The following SGCZ variants were observed in gnomAD, a reference collection of about 807,000 sequenced individuals.
The protein encoded by SGCZ is sarcoglycan zeta, also known as zeta-sarcoglycan.
In SGCZ, 40 loss-of-function variants were observed where a neutral mutation model predicts 41.3. The ratio of observed to expected loss-of-function variants is 0.97; its 90% CI spans 0.75 to 1.26. The LOEUF (loss-of-function observed/expected upper bound fraction) is 1.26. SGCZ is among the 50% of genes most tolerant of loss of function. The pLI is 0.00. For synonymous variants in SGCZ, 206 were observed against 137.5 expected (o/e 1.50, Z -3.49); for missense variants, 552 against 369.8 (o/e 1.49, Z -4.04).
chr8:14,373,083 C>G (rs1803969710), intron 2 of SGCZ, among the ~76,000 whole-genome samples: 1 of 151,940 alleles, frequency 6.6e-6, no homozygotes, highest in Non-Finnish European at 1.5e-5. Flanking sequence ...TTGCAATAAT[C>G]TAGAGGAAAG....
intron 5 of SGCZ, among the ~76,000 whole-genome samples, chr8:14,154,571 A>C (rs905017918): frequency 2.0e-5 from 3 of 152,216 alleles, no homozygotes; most frequent in African/African-American, 7.2e-5. Context: ...AACAATTTTA[A>C]ACCTAAAGAA....
rs530912145 is a variant in SGCZ, at chr8:15,222,122, A to T, written c.39+15463T>A. Among the ~76,000 whole-genome samples the T allele has an allele frequency of 5.3e-5, 8 of 152,358 alleles. No individual in the cohort carries two copies. In the South Asian group the frequency reaches 1.4e-3, roughly 28 times the overall value. On this transcript the variant is annotated intron_variant, in intron 1 of 7. Coordinates refer to ENST00000382080, the MANE Select transcript of SGCZ (RefSeq NM_139167.4). ...GAAAGCATTTAAAAGAGAATCCAAA[A>T]GAGGGCTTTGTAAAAATTATGTGCA...
At chr8:14,329,289 A>C (rs1802231997) in intron 2 of SGCZ, among the ~76,000 whole-genome samples, 1 of 152,210 alleles carries the variant, frequency 6.6e-6, no homozygotes, top group Non-Finnish European at 1.5e-5. Context: ...AACATCAGAC[A>C]AATAACAGTA....
At chr8:14,462,670 CT>C (rs1346179007) in intron 2 of SGCZ, among the ~76,000 whole-genome samples, 1 of 151,664 alleles carries the variant, frequency 6.6e-6, no homozygotes, top group Non-Finnish European at 1.5e-5. Context: ...CCACTTTGTT[CT>C]TCTTTTTCAA....
intron 1 of SGCZ, among the ~76,000 whole-genome samples, chr8:15,065,415 AATTATTATTATT>A (rs200765691): frequency 0.17 from 22,820 of 137,354 alleles, 2,036 homozygotes; most frequent in African/African-American, 0.24. Context: ...ATGGTATTGT[AATTATTATTATT>A]ATTATTATTA....
At chr8:14,617,535 T>C (rs1288838677) in intron 1 of SGCZ, among the ~76,000 whole-genome samples, 3 of 152,180 alleles carry the variant, frequency 2.0e-5, no homozygotes, top group Admixed American at 6.5e-5. Flanking sequence ...TCTTCAGAAA[T>C]GTATTTTGGC....
At chr8:14,692,268 G>A (rs1012517220) in intron 1 of SGCZ, among the ~76,000 whole-genome samples, 2 of 151,860 alleles carry the variant, frequency 1.3e-5, no homozygotes, top group Non-Finnish European at 2.9e-5. Context: ...ACCAACCATA[G>A]GATATTGTCA....
At chr8:14,238,744 T>C (rs1309416940) in intron 3 of SGCZ, among the ~76,000 whole-genome samples, 2 of 152,058 alleles carry the variant, frequency 1.3e-5, no homozygotes, top group Non-Finnish European at 2.9e-5. Flanking sequence ...AATATAATGT[T>C]CTGGGGGGGG....
intron 2 of SGCZ, among the ~76,000 whole-genome samples, chr8:14,430,655 C>T (rs924608383): frequency 7.9e-5 from 12 of 152,068 alleles, no homozygotes; most frequent in African/African-American, 1.9e-4. Context: ...TGCCCACTCT[C>T]GCCACTCCTC....
At chr8:15,138,558 T>C (rs1364573661) in intron 1 of SGCZ, among the ~76,000 whole-genome samples, 1 of 152,148 alleles carries the variant, frequency 6.6e-6, no homozygotes, top group African/African-American at 2.4e-5. Context: ...GTTTCCTCCA[T>C]GCCGTTCTCA....
At chr8:14,259,934 T>C (rs1005634745) in intron 3 of SGCZ, among the ~76,000 whole-genome samples, 1 of 152,194 alleles carries the variant, frequency 6.6e-6, no homozygotes, top group Non-Finnish European at 1.5e-5. Context: ...TGATTCTTCC[T>C]ACCCATGAGC....
intron 1 of SGCZ, among the ~76,000 whole-genome samples, chr8:14,696,671 C>G (rs547410054): frequency 4.0e-5 from 6 of 151,858 alleles, no homozygotes; most frequent in Non-Finnish European, 8.8e-5. Flanking sequence ...TTCTCTTTTG[C>G]GTTATGAATT....
At chr8:14,244,734 G>A (rs536684301) in intron 3 of SGCZ, among the ~76,000 whole-genome samples, 73 of 152,070 alleles carry the variant, frequency 4.8e-4, no homozygotes, top group African/African-American at 1.7e-3. Flanking sequence ...AGCATGGAAT[G>A]TTCTTCCATT....
At position 14,546,616 on chromosome 8, in the gene SGCZ, A is replaced by T. The variant is rs540029063; in HGVS notation, c.234+8116T>A. ...ATTCTAATTACACACTAACTATGAG[A>T]GATTAGGTACATTCTTCCATTTAAT... On this transcript the variant is annotated intron_variant, in intron 2 of 7. Transcript: ENST00000382080. Among the ~76,000 whole-genome samples, 19 of 152,240 alleles carry T rather than the reference A, an allele frequency of 1.2e-4. No individual in the cohort carries two copies. The East Asian group carries it at 3.3e-3, about 26-fold the overall frequency.
chr8:15,218,167 G>C (rs1281429037), intron 1 of SGCZ, among the ~76,000 whole-genome samples: 1 of 151,548 alleles, frequency 6.6e-6, no homozygotes, highest in East Asian at 1.9e-4. Context: ...ATTTTTAGTG[G>C]GTAACTTTTT....
intron 1 of SGCZ, among the ~76,000 whole-genome samples, chr8:15,100,760 A>G (rs1806578433): frequency 6.6e-6 from 1 of 152,210 alleles, no homozygotes; most frequent in African/African-American, 2.4e-5. Context: ...AACACGGAGA[A>G]TCACTTAACC....
At chr8:14,390,513 C>T (rs1166328211) in intron 2 of SGCZ, among the ~76,000 whole-genome samples, 5 of 151,580 alleles carry the variant, frequency 3.3e-5, no homozygotes, top group African/African-American at 1.2e-4. Context: ...CCATAAGGAA[C>T]ATGAAATTTA....
intron 1 of SGCZ, among the ~76,000 whole-genome samples, chr8:14,927,604 G>T (rs1469771777): frequency 1.3e-5 from 2 of 152,026 alleles, no homozygotes. Context: ...AAAAACCAAG[G>T]AGGAAGGAGG....
At chr8:14,987,323 A>C (rs888417131) in intron 1 of SGCZ, among the ~76,000 whole-genome samples, 4 of 151,990 alleles carry the variant, frequency 2.6e-5, no homozygotes, top group African/African-American at 4.8e-5. Context: ...GAAATATTCA[A>C]AACAGAAATG....
Sources: allele counts gnomAD v4.1 joint callset (sites outside exome capture counted in the v4.1 genomes callset), GRCh38; gene constraint gnomAD v4.1.1; transcripts MANE v1.5; gene names NCBI Gene and HGNC (gene_info 2026-07-23, HGNC 2026-07-21).